The following FSTL1 variants were observed in gnomAD, a reference collection of about 807,000 sequenced individuals.
FSTL1 encodes the protein follistatin like 1.
FSTL1 carries 24 observed loss-of-function variants against 45.9 expected under a neutral mutation model. That is an observed-to-expected ratio of 0.52 (90% CI 0.38 to 0.74). The LOEUF is 0.74. FSTL1 is among the 30% of genes least tolerant of loss of function. FSTL1 has a pLI of 0.00. For missense variants in FSTL1, 340 were observed against 381.8 expected (o/e 0.89, Z 0.91); for synonymous variants, 120 against 137.6 (o/e 0.87, Z 0.89).
intron 2 of FSTL1, among the ~76,000 whole-genome samples, chr3:120,448,116 T>G (rs769968087): frequency 6.6e-6 from 1 of 152,254 alleles, no homozygotes; most frequent in Non-Finnish European, 1.5e-5. Flanking sequence ...ATTTGTAAAG[T>G]GATTAAATTG....
chr3:120,450,814 G>C lies in FSTL1; in HGVS notation c.1-68C>G. 3 of 1,194,516 alleles carry C rather than the reference G, an allele frequency of 2.5e-6. No homozygotes were observed. The South Asian group carries it at 4.4e-5, about 18-fold the overall frequency. 74.0% of individuals were successfully genotyped at this position (1,194,516 alleles called of 1,614,324 possible). A position where few individuals can be genotyped will look rare whatever the true frequency, so the allele number is the denominator to read the frequency against. On this transcript the variant is annotated intron_variant, in intron 1 of 10. Coordinates refer to ENST00000295633, the MANE Select transcript of FSTL1 (RefSeq NM_007085.5). ...CGCGCTGACCTGGGAAACTTGCTCG[G>C]GTCCCGCAGGCTCGCTCCGGCCGCC...
chr3:120,442,687 G>C (rs1406609903), intron 2 of FSTL1, among the ~76,000 whole-genome samples: 1 of 151,310 alleles, frequency 6.6e-6, no homozygotes, highest in African/African-American at 2.4e-5. Context: ...GGCTGAGGCA[G>C]GAGAATCACT....
intron 9 of FSTL1, among the ~76,000 whole-genome samples, chr3:120,401,831 C>G (rs1936833166): frequency 6.6e-6 from 1 of 152,184 alleles, no homozygotes; most frequent in African/African-American, 2.4e-5. Context: ...TTTGGCCTCC[C>G]CAAGTGTTGG....
Position 120,406,491 on chromosome 3 carries a change from G to T in FSTL1, c.463-1520C>A, listed in dbSNP as rs774044775. ...GGGCACCATGAACCTGGCAACCACA[G>T]TCCAGGCAGCTCTCAAAAGGCAGTG... On this transcript the variant is annotated intron_variant, in intron 6 of 10. Coordinates refer to ENST00000295633, the MANE Select transcript of FSTL1 (RefSeq NM_007085.5). Among the ~76,000 whole-genome samples, 42 of 152,220 alleles carry T rather than the reference G, an allele frequency of 2.8e-4. 1 individual carries two copies. Among genetic ancestry groups the T allele is most frequent in the Admixed American group, 2.2e-3 (34 of 15,290 alleles).
chr3:120,438,988 T>A (rs1374471653), intron 2 of FSTL1, among the ~76,000 whole-genome samples: 1 of 152,166 alleles, frequency 6.6e-6, no homozygotes, highest in East Asian at 1.9e-4. Context: ...TAAGCCTAAC[T>A]AAGAAAACTG....
intron 2 of FSTL1, among the ~76,000 whole-genome samples, chr3:120,421,871 G>A (rs1937285003): frequency 6.6e-6 from 1 of 152,162 alleles, no homozygotes; most frequent in Non-Finnish European, 1.5e-5. Flanking sequence ...AAATGGTTTA[G>A]GGAGGGCTAA....
intron 2 of FSTL1, among the ~76,000 whole-genome samples, chr3:120,436,196 G>A (rs6791913): frequency 0.23 from 34,654 of 152,074 alleles, 4,804 homozygotes; most frequent in African/African-American, 0.4. Context: ...AATTGTATCT[G>A]TAAGAGGAAG....
intron 2 of FSTL1, among the ~76,000 whole-genome samples, chr3:120,445,049 C>A (rs553819995): frequency 6.7e-6 from 1 of 149,542 alleles, no homozygotes; most frequent in African/African-American, 2.6e-5. Context: ...ATGACCAGGG[C>A]AAAGTGGTCT....
intron 6 of FSTL1, among the ~76,000 whole-genome samples, chr3:120,405,629 C>T (rs551473874): frequency 6.6e-6 from 1 of 152,322 alleles, no homozygotes; most frequent in Admixed American, 6.5e-5. Context: ...GCCCTGTGGG[C>T]CCCACTGCAG....
intron 2 of FSTL1, among the ~76,000 whole-genome samples, chr3:120,446,181 G>C (rs1414251816): frequency 6.6e-6 from 1 of 152,198 alleles, no homozygotes; most frequent in Non-Finnish European, 1.5e-5. Flanking sequence ...TGTGATCACT[G>C]GTAATTTACA....
intron 3 of FSTL1, among the ~76,000 whole-genome samples, chr3:120,414,193 T>C (rs372100909): frequency 2.6e-5 from 4 of 152,008 alleles, no homozygotes; most frequent in Non-Finnish European, 5.9e-5. Context: ...AGCCTCTGCC[T>C]GGCTGCCACC....
chr3:120,400,943 TGAGTG>T (rs1413559443), intron 9 of FSTL1, among the ~76,000 whole-genome samples: 4 of 152,226 alleles, frequency 2.6e-5, no homozygotes, highest in Admixed American at 2.6e-4. Context: ...AGCCCATAGC[TGAGTG>T]GCTGTGGAAA....
chr3:120,440,579 G>A lies in FSTL1; in HGVS notation c.63+10105C>T, dbSNP rs774593659. On this transcript the variant is annotated intron_variant, in intron 2 of 10. Transcript: ENST00000295633. ...CTGTGTTCCTGTCTGCCTCCCCTCC[G>A]GACTGCAAGCTCTTTGGGCACAAGG... is the stretch of plus-strand genomic sequence containing the variant. Among the ~76,000 whole-genome samples the A allele has an allele frequency of 3.9e-5, 6 of 152,140 alleles. No homozygotes were observed. The East Asian group carries it at 1.2e-3, about 29-fold the overall frequency.
chr3:120,429,153 T>C (rs1373607224), intron 2 of FSTL1, among the ~76,000 whole-genome samples: 1 of 152,118 alleles, frequency 6.6e-6, no homozygotes. Context: ...CTCAAATTCC[T>C]CCTAATCCCC....
intron 9 of FSTL1, among the ~76,000 whole-genome samples, chr3:120,402,256 A>G (rs1190738351): frequency 6.6e-6 from 1 of 152,166 alleles, no homozygotes; most frequent in Non-Finnish European, 1.5e-5. Flanking sequence ...TCTGCTGGGT[A>G]TGGCAAGGAG....
intron 3 of FSTL1, 89 bp from the exon 4 acceptor site, chr3:120,412,072 G>C (rs529215697): frequency 1.7e-5 from 18 of 1,072,018 alleles, no homozygotes; most frequent in South Asian, 6.3e-5. Context: ...CACACACACA[G>C]AGCCATTTTG....
chr3:120,412,817 T>TGCGCGCGCGC lies in FSTL1; in HGVS notation c.169-835_169-834insGCGCGCGCGC, dbSNP rs1491195635. On this transcript the variant is annotated intron_variant, in intron 3 of 10. Coordinates refer to ENST00000295633, the MANE Select transcript of FSTL1 (RefSeq NM_007085.5). ...AGGCAGGCAGGCAAACACACACACA[T>TGCGCGCGCGC]GTGCGCGCGCGCGCGCGCGCGCACA... 1.1e-4 allele frequency among the ~76,000 whole-genome samples: 10 copies of TGCGCGCGCGC among 87,620 alleles called. No individual in the cohort carries two copies. The East Asian group carries it at 1.8e-3, about 16-fold the overall frequency. 57.5% of individuals were successfully genotyped at this position (87,620 alleles called of 152,430 possible). A position where few individuals can be genotyped will look rare whatever the true frequency, so the allele number is the denominator to read the frequency against.
chr3:120,427,711 G>A (rs751734076), intron 2 of FSTL1, among the ~76,000 whole-genome samples: 8 of 152,206 alleles, frequency 5.3e-5, no homozygotes, highest in African/African-American at 9.7e-5. Context: ...TGTTAATGAG[G>A]TAGAAGAGCA....
At chr3:120,424,657 T>C (rs1937344698) in intron 2 of FSTL1, among the ~76,000 whole-genome samples, 1 of 152,060 alleles carries the variant, frequency 6.6e-6, no homozygotes, top group Admixed American at 6.5e-5. Flanking sequence ...AGTGGTGGCA[T>C]GGTTATAGAA....
Sources: allele counts gnomAD v4.1 joint callset (sites outside exome capture counted in the v4.1 genomes callset), GRCh38; gene constraint gnomAD v4.1.1; transcripts MANE v1.5; gene names NCBI Gene and HGNC (gene_info 2026-07-23, HGNC 2026-07-21).